The following STK24 variants were observed in gnomAD, a reference collection of about 807,000 sequenced individuals.
STK24 encodes serine/threonine kinase 24, also known as serine/threonine-protein kinase 24.
In STK24, 21 loss-of-function variants were observed where a neutral mutation model predicts 55.6. That is an observed-to-expected ratio of 0.38 (90% CI 0.27 to 0.54). The LOEUF (loss-of-function observed/expected upper bound fraction) is 0.54, where lower values mean the gene tolerates loss of function less well. STK24 is among the 20% of genes least tolerant of loss of function. The pLI is 0.79. For synonymous variants in STK24, 200 were observed against 215.2 expected (o/e 0.93, Z 0.62); for missense variants, 383 against 538.4 (o/e 0.71, Z 2.86).
In STK24 at chr13:98,576,725, C is replaced by G; in HGVS notation, c.42+20G>C. The G allele has an allele frequency of 1.4e-6, 2 of 1,459,866 alleles. No individual in the cohort carries two copies. The highest frequency in any genetic ancestry group is 1.8e-6 in the Non-Finnish European group (2 of 1,109,966). The allele number at this position is 1,459,866 out of a possible 1,614,324, so 90.4% of individuals were successfully genotyped here. ...CCGCCCCGGTCGCGCATCCCGGCCCCGCGGCCCGCGCCCGCCTACCTGCAT... is the reference window on the plus strand; with the variant it reads ...CCGCCCCGGTCGCGCATCCCGGCCCGGCGGCCCGCGCCCGCCTACCTGCAT... On this transcript the variant is annotated intron_variant, in intron 1 of 10. Transcript: ENST00000539966.
In STK24 at chr13:98,559,002, T is replaced by TAAAA. The variant is rs60756124; in HGVS notation, c.42+17739_42+17742dup. 2.8e-3 allele frequency among the ~76,000 whole-genome samples: 122 copies of TAAAA among 43,034 alleles called. 2 individuals carry two copies. The highest frequency in any genetic ancestry group is 8.7e-3 in the African/African-American group (85 of 9,820). 28.2% of individuals were successfully genotyped at this position (43,034 alleles called of 152,430 possible). On this transcript the variant is annotated intron_variant, in intron 1 of 10. Coordinates refer to ENST00000539966, the MANE Select transcript of STK24 (RefSeq NM_001032296.4). ...CAACGTGGAGAAACCCTGTCTCTAC[T>TAAAA]AAAAAAAAAAAAAAAAAAAAAAAAA...
chr13:98,475,395 G>C (rs1179586866), intron 3 of STK24, 37 bp from the exon 4 acceptor site: 1 of 1,426,440 alleles, frequency 7.0e-7, no homozygotes, highest in African/African-American at 1.4e-5. Context: ...TTACTTAAAT[G>C]ATTATCTTAT....
chr13:98,526,835 T>C (rs181033099), intron 1 of STK24, among the ~76,000 whole-genome samples: 132 of 152,320 alleles, frequency 8.7e-4, no homozygotes, highest in African/African-American at 3.1e-3. Flanking sequence ...ATCAGCTTCA[T>C]GGCCCATCCC....
chr13:98,498,258 T>C (rs192045854), intron 2 of STK24, among the ~76,000 whole-genome samples: 1 of 152,312 alleles, frequency 6.6e-6, no homozygotes, highest in Admixed American at 6.5e-5. Flanking sequence ...ACTGAGAATA[T>C]GATGTTGGTT....
chr13:98,534,399 C>T (rs1034506239), intron 1 of STK24, among the ~76,000 whole-genome samples: 1 of 152,158 alleles, frequency 6.6e-6, no homozygotes, highest in Non-Finnish European at 1.5e-5. Flanking sequence ...GAACTAACTT[C>T]GGGAGGAACT....
chr13:98,542,507 C>T (rs1210556429), intron 1 of STK24, among the ~76,000 whole-genome samples: 1 of 152,098 alleles, frequency 6.6e-6, no homozygotes, highest in African/African-American at 2.4e-5. Flanking sequence ...CAAGTGACAA[C>T]ACAGTAACCC....
chr13:98,452,451 G>T lies in STK24; in HGVS notation c.*722C>A, dbSNP rs944100552. On this transcript the variant is annotated 3_prime_UTR_variant, in exon 11 of 11. Coordinates refer to ENST00000539966, the MANE Select transcript of STK24 (RefSeq NM_001032296.4). ...ATCAACCTCTAGGTGTACCAAAAGG[G>T]GCGTAGGGCAAACGGGGAAAATTTG... 2 of 152,558 alleles carry T rather than the reference G, an allele frequency of 1.3e-5. No homozygotes were observed. The highest frequency in any genetic ancestry group is 4.8e-5 in the African/African-American group (2 of 41,402). 9.5% of individuals were successfully genotyped at this position (152,558 alleles called of 1,614,324 possible). A position where few individuals can be genotyped will look rare whatever the true frequency, so the allele number is the denominator to read the frequency against.
chr13:98,499,770 GGGCAGA>G (rs1895379998), intron 2 of STK24, among the ~76,000 whole-genome samples: 2 of 152,198 alleles, frequency 1.3e-5, no homozygotes, highest in African/African-American at 2.4e-5. Context: ...CCAAAGCTGA[GGGCAGA>G]GGTCACTAGC....
At chr13:98,513,003 G>A (rs540025429) in intron 2 of STK24, among the ~76,000 whole-genome samples, 7 of 152,266 alleles carry the variant, frequency 4.6e-5, no homozygotes, top group South Asian at 2.1e-4. Flanking sequence ...GCAGCCCATC[G>A]GGGTCCACTT....
chr13:98,557,840 T>C (rs188627835), intron 1 of STK24, among the ~76,000 whole-genome samples: 35 of 152,288 alleles, frequency 2.3e-4, no homozygotes, highest in African/African-American at 8.4e-4. Flanking sequence ...TCCGGCAGAA[T>C]TGGATTCCTT....
intron 1 of STK24, among the ~76,000 whole-genome samples, chr13:98,559,573 G>C (rs1489750724): frequency 6.6e-6 from 1 of 152,050 alleles, no homozygotes; most frequent in Non-Finnish European, 1.5e-5. Context: ...TCCCTTCCTA[G>C]TTTTTGTCAT....
intron 3 of STK24, among the ~76,000 whole-genome samples, chr13:98,481,082 C>G (rs970225094): frequency 6.6e-6 from 1 of 152,212 alleles, no homozygotes; most frequent in African/African-American, 2.4e-5. Flanking sequence ...TCACCACTCA[C>G]CTAAATGACC....
intron 2 of STK24, among the ~76,000 whole-genome samples, chr13:98,482,892 A>T (rs1165056739): frequency 6.6e-5 from 10 of 152,086 alleles, no homozygotes. Flanking sequence ...GCACCTCCCA[A>T]AGCTGCCACA....
rs9517305 is a variant in STK24, at chr13:98,445,656, G to C, written c.*7517C>G. The C allele has an allele frequency of 0.69, 106,140 of 153,960 alleles. 39,021 individuals carry two copies. Among genetic ancestry groups the C allele is most frequent in the Non-Finnish European group, 0.83 (57,633 of 69,302 alleles). 9.5% of individuals were successfully genotyped at this position (153,960 alleles called of 1,614,324 possible). The stretch of plus-strand genomic sequence containing the variant: ...GCTTCCGCCTGCTGGCAATGCATGG[G>C]GTCCTGCGCCCCCATTTCTGCCTCG... On this transcript the variant is annotated 3_prime_UTR_variant, in exon 11 of 11. Transcript: ENST00000539966.
rs1893007343 is a variant in STK24, at chr13:98,448,529, G to T, written c.*4644C>A. The T allele has an allele frequency of 1.8e-6, 1 of 569,202 alleles. No homozygotes were observed. The highest frequency in any genetic ancestry group is 2.1e-5 in the South Asian group (1 of 47,954). The allele number at this position is 569,202 out of a possible 1,614,324, so 35.3% of individuals were successfully genotyped here. ...CCACCTCCAGTCCTGGCATCCGCTG[G>T]GGGCGCTGTTCTTTAGCTAGTGCCA... On this transcript the variant is annotated 3_prime_UTR_variant, in exon 11 of 11. Transcript: ENST00000539966.
At chr13:98,498,130 G>A (rs1174577571) in intron 2 of STK24, among the ~76,000 whole-genome samples, 1 of 152,172 alleles carries the variant, frequency 6.6e-6, no homozygotes, top group African/African-American at 2.4e-5. Context: ...GAGCACTGAT[G>A]GTCTATTGTT....
chr13:98,575,870 G>A (rs376650278), intron 1 of STK24: 7 of 274,644 alleles, frequency 2.5e-5, no homozygotes, highest in Non-Finnish European at 3.3e-5. Flanking sequence ...TTTTCAAAGG[G>A]CTAAAAGCAA....
intron 2 of STK24, among the ~76,000 whole-genome samples, chr13:98,501,750 T>C (rs960267171): frequency 6.6e-6 from 1 of 152,218 alleles, no homozygotes; most frequent in Non-Finnish European, 1.5e-5. Flanking sequence ...CCAATCCTCA[T>C]GTATCATCTC....
rs543029262 is a variant in STK24, at chr13:98,508,261, G to A, written c.273+10982C>T. On this transcript the variant is annotated intron_variant, in intron 2 of 10. Coordinates refer to ENST00000539966, the MANE Select transcript of STK24 (RefSeq NM_001032296.4). ...AAATCATATAAGGTGAAAAACTGAT[G>A]GATTAACTACATTAAAATCAAGGAT... Among the ~76,000 whole-genome samples the A allele has an allele frequency of 1.1e-4, 17 of 152,260 alleles. No individual in the cohort carries two copies. In the South Asian group the frequency reaches 2.1e-3, roughly 19 times the overall value.
Sources: gnomAD v4.1 joint callset for allele counts (sites outside exome capture counted in the v4.1 genomes callset) on GRCh38, gnomAD v4.1.1 for gene constraint, MANE v1.5 for transcripts, NCBI Gene and HGNC (gene_info 2026-07-23, HGNC 2026-07-21) for gene names.